GAB4: variants seen among roughly 807,000 people sequenced by gnomAD.
GAB4 encodes the protein GRB2-associated-binding protein 4.
In GAB4, 26 loss-of-function variants were observed where a neutral mutation model predicts 51.3. That is an observed-to-expected ratio of 0.51 (90% CI 0.37 to 0.70). GAB4 has a LOEUF of 0.70. Among genes scored for constraint, GAB4 ranks in the 30% least tolerant of loss-of-function variants. The probability of loss-of-function intolerance (pLI) is 0.00; values close to 1 mark genes in which losing one functional copy is unlikely to be tolerated. For missense variants in GAB4, 759 were observed against 734.6 expected (o/e 1.03, Z -0.38); for synonymous variants, 329 against 291.2 (o/e 1.13, Z -1.32).
chr22:16,979,690 A>AGAG (rs2060811159), intron 3 of GAB4, among the ~76,000 whole-genome samples: 1 of 152,246 alleles, frequency 6.6e-6, no homozygotes, highest in African/African-American at 2.4e-5. Context: ...GAACCAAAGA[A>AGAG]GAGCCCATAT....
At chr22:16,990,860 A>G (rs2060907828) in intron 2 of GAB4, among the ~76,000 whole-genome samples, 1 of 152,138 alleles carries the variant, frequency 6.6e-6, no homozygotes, top group Non-Finnish European at 1.5e-5. Flanking sequence ...GTAAGTCTGG[A>G]GTGGGGTGCA....
chr22:16,995,767 C>T (rs2060945127), intron 1 of GAB4, among the ~76,000 whole-genome samples: 1 of 152,164 alleles, frequency 6.6e-6, no homozygotes, highest in Non-Finnish European at 1.5e-5. Flanking sequence ...GCACCAACAT[C>T]AACAAAAAGG....
rs114247225 is a variant in GAB4, at chr22:16,968,926, A to G, written c.938-543T>C. 3.5e-3 allele frequency among the ~76,000 whole-genome samples: 534 copies of G among 152,336 alleles called. 3 individuals carry two copies. The highest frequency in any genetic ancestry group is 0.012 in the African/African-American group (517 of 41,576). On this transcript the variant is annotated intron_variant, in intron 4 of 9. Coordinates refer to ENST00000400588, the MANE Select transcript of GAB4 (RefSeq NM_001037814.1). ...CCACTTATGACTTTCAACCCTGAAT[A>G]AGCCTAAGTACCATGGGCCTCATAT...
At chr22:16,981,230 A>G (rs2060825068) in intron 3 of GAB4, among the ~76,000 whole-genome samples, 1 of 151,300 alleles carries the variant, frequency 6.6e-6, no homozygotes, top group Non-Finnish European at 1.5e-5. Flanking sequence ...CCCTTAAAAA[A>G]GTTCAAAAGT....
intron 3 of GAB4, among the ~76,000 whole-genome samples, chr22:16,978,782 A>G (rs2060802604): frequency 1.3e-5 from 2 of 152,230 alleles, no homozygotes; most frequent in Admixed American, 6.5e-5. Flanking sequence ...AAAATCCTCA[A>G]TAAAATACTG....
chr22:16,993,067 C>T (rs1301262086), intron 1 of GAB4, among the ~76,000 whole-genome samples: 1 of 152,122 alleles, frequency 6.6e-6, no homozygotes, highest in Non-Finnish European at 1.5e-5. Context: ...CAGATAAACT[C>T]CTTATACTGC....
rs1458127670 is a variant in GAB4 at position 16,962,466 on chromosome 22, G to C, written c.*267C>G. ...GAGGCTGAGGACCATGAGTAAGTGTGAGAGTGGAAATCTGTTGGGAGCCCG... is the reference window on the plus strand; with the variant it reads ...GAGGCTGAGGACCATGAGTAAGTGTCAGAGTGGAAATCTGTTGGGAGCCCG... On this transcript the variant is annotated 3_prime_UTR_variant, in exon 10 of 10. Coordinates refer to ENST00000400588, the MANE Select transcript of GAB4 (RefSeq NM_001037814.1). The C allele has an allele frequency of 1.2e-5, 4 of 330,046 alleles. No individual in the cohort carries two copies. The highest frequency in any genetic ancestry group is 5.5e-6 in the Non-Finnish European group (1 of 181,152). The allele number at this position is 330,046 out of a possible 1,614,324, so 20.4% of individuals were successfully genotyped here.
rs377302369 is a variant in GAB4 at position 16,992,090 on chromosome 22, G to A, written c.261C>T (p.Ser87=). 6.2e-7 allele frequency: 1 copy of A among 1,614,066 alleles called. No homozygotes were observed. Among genetic ancestry groups the A allele is most frequent in the African/African-American group, 1.3e-5 (1 of 74,928 alleles). Residue 87 remains serine (S), a synonymous_variant, in exon 2 of 10, where the codon TCC becomes TCT. Coordinates refer to ENST00000400588, the MANE Select transcript of GAB4 (RefSeq NM_001037814.1). ...GGTTGATGGTGCGCAGGGGCTTCTTGGAGCCATCATTCTTGTAGTATTCCA... is the reference window on the plus strand; with the variant it reads ...GGTTGATGGTGCGCAGGGGCTTCTTAGAGCCATCATTCTTGTAGTATTCCA... ...DVLEYYKNDG[S]KKPLRTINLN...
rs762931159 is a variant in GAB4 at position 16,966,354 on chromosome 22, G to C, written c.1034C>G (p.Thr345Arg). The change falls in exon 6 of 10, where the codon ACG becomes AGG. Residue 345 changes from threonine to arginine, a missense_variant. Around this residue, in one of 3 missense-constraint regions of GAB4, gnomAD observed 588 missense variants for 510.2 expected, o/e 1.15. Coordinates refer to ENST00000400588, the MANE Select transcript of GAB4 (RefSeq NM_001037814.1). The part of the protein sequence containing the change: ...EGVCSFLPGR[T>R]LVGLSDSIAS... ...AATGCTGTCTGACAGGCCCACAAGC[G>C]TTCTTCCTGGCTAGGAAGAGGACAG... The C allele has an allele frequency of 6.2e-7, 1 of 1,611,204 alleles. No individual in the cohort carries two copies. Among genetic ancestry groups the C allele is most frequent in the Non-Finnish European group, 8.5e-7 (1 of 1,178,234 alleles).
At chr22:16,971,320 G>C (rs1351036493) in intron 3 of GAB4, among the ~76,000 whole-genome samples, 1 of 152,204 alleles carries the variant, frequency 6.6e-6, no homozygotes, top group Non-Finnish European at 1.5e-5. Context: ...TAAGCTCTGT[G>C]TGCCTTCCTG....
chr22:16,990,285 CCT>C (rs1247618519), intron 2 of GAB4, among the ~76,000 whole-genome samples: 3 of 152,214 alleles, frequency 2.0e-5, no homozygotes, highest in African/African-American at 7.2e-5. Flanking sequence ...AAAATACCAA[CCT>C]CTTTCTCATC....
At position 16,963,846 on chromosome 22, in the gene GAB4, G is replaced by T; in HGVS notation, c.1477-17C>A. On this transcript the variant is annotated splice_polypyrimidine_tract_variant and intron_variant, in intron 8 of 9. Coordinates refer to ENST00000400588, the MANE Select transcript of GAB4 (RefSeq NM_001037814.1). ...TGCCGGGTTCTGCTGTCACAAGGAG[G>T]AAAATCCTGCAAATGAGTTCAGGAC... 6.2e-7 allele frequency: 1 copy of T among 1,602,828 alleles called. No individual in the cohort carries two copies. Among genetic ancestry groups the T allele is most frequent in the Non-Finnish European group, 8.5e-7 (1 of 1,170,364 alleles).
At chr22:16,999,095 A>C (rs2060974614) in intron 1 of GAB4, among the ~76,000 whole-genome samples, 1 of 152,186 alleles carries the variant, frequency 6.6e-6, no homozygotes, top group Non-Finnish European at 1.5e-5. Context: ...ATTGGTCTAA[A>C]ATTCTCTTTT....
intron 1 of GAB4, among the ~76,000 whole-genome samples, chr22:17,000,689 A>G (rs1265334505): frequency 6.6e-6 from 1 of 152,182 alleles, no homozygotes; most frequent in Admixed American, 6.5e-5. Flanking sequence ...TTATGATGTT[A>G]GCTGGTTATT....
intron 7 of GAB4, 46 bp from the exon 8 acceptor site, chr22:16,964,908 G>T (rs764822817): frequency 6.8e-7 from 1 of 1,478,168 alleles, no homozygotes; most frequent in South Asian, 1.2e-5. Context: ...TGGGGCTCAG[G>T]GCTGCTGTCA....
rs547641126 is a variant in GAB4 at position 16,965,936 on chromosome 22, G to A, written c.1288+164C>T. 8.1e-4 allele frequency among the ~76,000 whole-genome samples: 123 copies of A among 152,296 alleles called. 1 individual carries two copies. The highest frequency in any genetic ancestry group is 3.4e-3 in the Middle Eastern group (1 of 294). On this transcript the variant is annotated intron_variant, in intron 6 of 9. Transcript: ENST00000400588. ...GACACTCTCCTTCCAAACAAACCCG[G>A]GAAGTAGGAGTTACTATCTCCATTT...
chr22:16,968,388 G>C lies in GAB4; in HGVS notation c.938-5C>G, dbSNP rs770936963. The C allele has an allele frequency of 5.6e-6, 9 of 1,610,786 alleles. No individual in the cohort carries two copies. In the African/African-American group the frequency reaches 6.7e-5, roughly 12 times the overall value. ...GGGTGTACTTGCCGGAGGAAGCTAC[G>C]ACAGAGGAAGGAGATCCACATGCAT... On this transcript the variant is annotated splice_region_variant and splice_polypyrimidine_tract_variant and intron_variant, in intron 4 of 9. Transcript: ENST00000400588.
At chr22:16,983,359 C>T (rs2060842060) in intron 3 of GAB4, among the ~76,000 whole-genome samples, 1 of 152,174 alleles carries the variant, frequency 6.6e-6, no homozygotes, top group African/African-American at 2.4e-5. Flanking sequence ...TCTGGTGTTG[C>T]ATCTGATCAC....
intron 1 of GAB4, among the ~76,000 whole-genome samples, chr22:16,993,444 C>T (rs953906137): frequency 6.6e-6 from 1 of 152,208 alleles, no homozygotes; most frequent in Non-Finnish European, 1.5e-5. Context: ...GAGAGTCCTA[C>T]ACTCTAGGAC....
Sources: allele counts gnomAD v4.1 joint callset (sites outside exome capture counted in the v4.1 genomes callset), GRCh38; gene constraint gnomAD v4.1.1; regional missense constraint gnomAD v4.1.1; transcripts MANE v1.5; gene names NCBI Gene and HGNC (gene_info 2026-07-23, HGNC 2026-07-21).